The following BRWD3 variants were observed in gnomAD, a reference collection of about 807,000 sequenced individuals.
The protein encoded by BRWD3 is bromodomain and WD repeat-containing protein 3.
A neutral mutation model predicts 149.7 loss-of-function variants in BRWD3; 10 were observed. The ratio of observed to expected loss-of-function variants is 0.07; its 90% CI spans 0.04 to 0.11. The LOEUF (loss-of-function observed/expected upper bound fraction) is 0.11, where lower values mean the gene tolerates loss of function less well. Ranked by LOEUF, BRWD3 falls within the 10% of genes least tolerant of loss-of-function variation. BRWD3 has a pLI of 1.00. For missense variants in BRWD3, 940 were observed against 1,373.2 expected (o/e 0.68, Z 4.99); for synonymous variants, 504 against 456.7 (o/e 1.10, Z -1.32).
rs2073792376 is a variant in BRWD3 at position 80,760,584 on chromosome X, T to C, written c.431-14855A>G. The stretch of plus-strand genomic sequence containing the variant: ...TGCACTGGAATATTATTCACATATT[T>C]AAATTGCTTTGCTTCAAAATTATTA... On this transcript the variant is annotated intron_variant, in intron 6 of 40. Coordinates refer to ENST00000373275, the MANE Select transcript of BRWD3 (RefSeq NM_153252.5). Among the ~76,000 whole-genome samples the C allele has an allele frequency of 3.6e-5, 4 of 111,930 alleles. No individual in the cohort carries two copies. The South Asian group carries it at 1.5e-3, about 41-fold the overall frequency.
chrX:80,695,941 A>G lies in BRWD3; in HGVS notation c.3118T>C (p.Tyr1040His). Residue 1040 changes from tyrosine (Y) to histidine (H), a missense_variant, in exon 27 of 41, where the codon TAT (tyrosine) becomes CAT (histidine). Tyr to His is a moderately conservative substitution (Grantham distance 83, BLOSUM62 2). Around this residue, in one of 6 missense-constraint regions of BRWD3, gnomAD observed 158 missense variants for 284.0 expected, o/e 0.56. Coordinates refer to ENST00000373275, the MANE Select transcript of BRWD3 (RefSeq NM_153252.5). The part of the protein sequence containing the change: ...VIDFLVLHQF[Y>H]NEAKERNWQI... Reference sequence around the variant, plus strand: ...CAGTTCCTTTCTTTGGCTTCATTATAAAACTGATGTAGCACAAGGAAGTCA... The same window carrying G: ...CAGTTCCTTTCTTTGGCTTCATTATGAAACTGATGTAGCACAAGGAAGTCA... 1 of 1,210,690 alleles carries G rather than the reference A, an allele frequency of 8.3e-7. No homozygotes were observed. Among genetic ancestry groups the G allele is most frequent in the South Asian group, 1.8e-5 (1 of 56,909 alleles).
intron 8 of BRWD3, among the ~76,000 whole-genome samples, chrX:80,738,451 A>G (rs948555258): frequency 8.9e-6 from 1 of 111,935 alleles, no homozygotes; most frequent in Non-Finnish European, 1.9e-5. Flanking sequence ...CACTTTAACT[A>G]TATTTTGTTA....
chrX:80,711,059 A>G (rs1404061913), intron 20 of BRWD3, among the ~76,000 whole-genome samples: 2 of 111,788 alleles, frequency 1.8e-5, no homozygotes, highest in Non-Finnish European at 3.8e-5. Flanking sequence ...TAATTTACGT[A>G]TGCCACATTA....
chrX:80,794,761 G>A (rs1044533578), intron 4 of BRWD3, among the ~76,000 whole-genome samples: 1 of 110,340 alleles, frequency 9.1e-6, no homozygotes, highest in Non-Finnish European at 1.9e-5. Context: ...TTAATCTTAT[G>A]AAATAAGTGT....
At chrX:80,716,668 G>A (rs2073077745) in intron 19 of BRWD3, among the ~76,000 whole-genome samples, 1 of 112,038 alleles carries the variant, frequency 8.9e-6, no homozygotes, top group South Asian at 3.7e-4. Flanking sequence ...TTCTGTAGCT[G>A]AATGATATGC....
intron 6 of BRWD3, among the ~76,000 whole-genome samples, chrX:80,790,341 A>G (rs1246658359): frequency 9.0e-6 from 1 of 111,204 alleles, no homozygotes; most frequent in East Asian, 2.8e-4. Flanking sequence ...AACTGGAAAG[A>G]TTTCATATCC....
chrX:80,794,341 A>T (rs1231761201), intron 4 of BRWD3, among the ~76,000 whole-genome samples: 3 of 108,518 alleles, frequency 2.8e-5, no homozygotes, highest in African/African-American at 1.0e-4. Flanking sequence ...CCCCATCTCT[A>T]CAAAAAATAC....
chrX:80,749,645 A>G (rs1456019675), intron 6 of BRWD3, among the ~76,000 whole-genome samples: 5 of 110,850 alleles, frequency 4.5e-5, no homozygotes, highest in African/African-American at 1.6e-4. Flanking sequence ...CAGCAGCTCA[A>G]TGTCAAAAAT....
chrX:80,685,584 A>G (rs1309423896), intron 35 of BRWD3, 48 bp from the exon 36 acceptor site: 1 of 966,145 alleles, frequency 1.0e-6, no homozygotes, highest in South Asian at 2.0e-5. Context: ...CTATAACAAA[A>G]TATCAAGACG....
At chrX:80,692,284 C>T (rs1051326296) in intron 28 of BRWD3, 134 bp from the exon 29 acceptor site, 10 of 528,790 alleles carry the variant, frequency 1.9e-5, no homozygotes, top group Non-Finnish European at 2.9e-5. Flanking sequence ...AGTACAACTC[C>T]GGTTACATAC....
chrX:80,772,842 T>G (rs775667195), intron 6 of BRWD3, among the ~76,000 whole-genome samples: 1 of 112,019 alleles, frequency 8.9e-6, no homozygotes, highest in Non-Finnish European at 1.9e-5. Context: ...TCATCCCAGA[T>G]GTCCTTCAAT....
chrX:80,796,763 C>A (rs1045432015), intron 4 of BRWD3, among the ~76,000 whole-genome samples: 6 of 112,153 alleles, frequency 5.3e-5, no homozygotes, highest in Admixed American at 9.5e-5. Flanking sequence ...TAAGTAAATT[C>A]TTTCCATTAA....
chrX:80,799,472 A>C (rs1254588632), intron 4 of BRWD3, among the ~76,000 whole-genome samples: 19 of 112,331 alleles, frequency 1.7e-4, no homozygotes, highest in African/African-American at 6.1e-4. Flanking sequence ...TTAAATGAAG[A>C]AGCAAACTGA....
intron 38 of BRWD3, 129 bp downstream of exon 38, chrX:80,682,336 T>C: frequency 1.3e-6 from 1 of 776,307 alleles, no homozygotes; most frequent in Non-Finnish European, 1.9e-6. Context: ...TACATAGGCA[T>C]AAGAGTTTAG....
Position 80,679,164 on chromosome X carries a change from A to G in BRWD3, c.4655-1801T>C, listed in dbSNP as rs762538084. On this transcript the variant is annotated intron_variant, in intron 40 of 40. Transcript: ENST00000373275. ...CTGTTTAAGCCACCCAGTCTGTGGTATCTTGTTATGGAAACCCAAGCTGAC... is the reference window on the plus strand; with the variant it reads ...CTGTTTAAGCCACCCAGTCTGTGGTGTCTTGTTATGGAAACCCAAGCTGAC... Among the ~76,000 whole-genome samples the G allele has an allele frequency of 2.7e-5, 3 of 112,241 alleles. No homozygotes were observed. In the East Asian group the frequency reaches 8.5e-4, roughly 32 times the overall value.
Position 80,745,745 on chromosome X carries a change from A to G in BRWD3, c.431-16T>C, listed in dbSNP as rs774033701. 1 of 1,180,972 alleles carries G rather than the reference A, an allele frequency of 8.5e-7. No homozygotes were observed. Among genetic ancestry groups the G allele is most frequent in the South Asian group, 1.8e-5 (1 of 54,138 alleles). ...GTGATATTCACTGAAAAAAATACGA[A>G]ATTAACTTAAAACTTAAAAGTGAAA... On this transcript the variant is annotated splice_polypyrimidine_tract_variant and intron_variant, in intron 6 of 40. Transcript: ENST00000373275.
chrX:80,722,632 T>C lies in BRWD3; in HGVS notation c.1806A>G (p.Gln602=). The C allele has an allele frequency of 8.3e-7, 1 of 1,211,626 alleles. No individual in the cohort carries two copies. The highest frequency in any genetic ancestry group is 1.1e-6 in the Non-Finnish European group (1 of 895,433). ...VDGNPHPTKF[Q]RLVPGRENCK... ...AATTTTCCCGTCCTGGTACCAACCG[T>C]TGGAATTTTGTGGGATGAGGATTTC... The change falls in exon 17 of 41, where the codon CAA becomes CAG. Residue 602 remains glutamine, a synonymous_variant. Transcript: ENST00000373275.
intron 6 of BRWD3, among the ~76,000 whole-genome samples, chrX:80,750,174 G>T (rs1014158739): frequency 7.2e-5 from 8 of 111,403 alleles, no homozygotes; most frequent in Non-Finnish European, 1.1e-4. Flanking sequence ...TCAGAACATT[G>T]TTCTAGCCAA....
intron 38 of BRWD3, 138 bp from the exon 39 acceptor site, chrX:80,682,232 A>T: frequency 1.6e-6 from 1 of 616,111 alleles, no homozygotes; most frequent in Non-Finnish European, 2.5e-6. Context: ...TTCATGAAAT[A>T]GATAATTTGA....
Sources: gnomAD v4.1 joint callset for allele counts (sites outside exome capture counted in the v4.1 genomes callset) on GRCh38, gnomAD v4.1.1 for gene constraint, gnomAD v4.1.1 regional missense constraint, MANE v1.5 for transcripts, NCBI Gene and HGNC (gene_info 2026-07-23, HGNC 2026-07-21) for gene names.